KIAA0586: variants seen among roughly 807,000 people sequenced by gnomAD.
KIAA0586 encodes the protein KIAA0586.
In KIAA0586, 144 loss-of-function variants were observed where a neutral mutation model predicts 169.8. The observed-to-expected ratio is 0.85, with a 90% CI of 0.74 to 0.97. KIAA0586 has a LOEUF of 0.97. Among genes scored for constraint, KIAA0586 ranks in the 50% least tolerant of loss-of-function variants. KIAA0586 has a pLI of 0.00. For missense variants in KIAA0586, 1,854 were observed against 1,823.0 expected (o/e 1.02, Z -0.31); for synonymous variants, 625 against 612.4 (o/e 1.02, Z -0.30).
At chr14:58,558,170 CA>C in the KIAA0586 span, among the ~76,000 whole-genome samples, 1 of 152,016 alleles carries the variant, frequency 6.6e-6, no homozygotes, top group Non-Finnish European at 1.5e-5. Flanking sequence ...CTTGGCCTCC[CA>C]AAGTGCTGAG....
At chr14:58,483,730 A>G (rs1189215904) in intron 21 of KIAA0586, among the ~76,000 whole-genome samples, 1 of 152,214 alleles carries the variant, frequency 6.6e-6, no homozygotes, top group African/African-American at 2.4e-5. Context: ...TTATAGCAAT[A>G]TGAAATTATA....
intron 4 of KIAA0586, among the ~76,000 whole-genome samples, chr14:58,435,015 C>A (rs2037700370): frequency 6.6e-6 from 1 of 152,152 alleles, no homozygotes; most frequent in African/African-American, 2.4e-5. Context: ...TCTCAAACTC[C>A]TGGGCACAAG....
chr14:58,456,449 C>A (rs2039856459), intron 9 of KIAA0586, among the ~76,000 whole-genome samples: 1 of 152,148 alleles, frequency 6.6e-6, no homozygotes, highest in Non-Finnish European at 1.5e-5. Flanking sequence ...GAAAGCATAA[C>A]CTTTTCCTGC....
At chr14:58,546,709 C>T (rs1319698379) in intron 30 of KIAA0586, among the ~76,000 whole-genome samples, 1 of 152,114 alleles carries the variant, frequency 6.6e-6, no homozygotes, top group Non-Finnish European at 1.5e-5. Flanking sequence ...CATACACTTA[C>T]GTAGTCAACT....
At position 58,477,203 on chromosome 14, in the gene KIAA0586, C is replaced by G; in HGVS notation, c.2906C>G (p.Ser969Ter). ...CAGATTGCACCTAGTATCAGTGTTT[C>G]AGTCAGTGAGACAAGTGAACCACTG... ...QQQIAPSISV[S>*]VSETSEPLTS... Residue 969 changes from serine (S) to a stop codon, truncating the protein, a stop_gained, in exon 20 of 31, where the codon TCA (serine) becomes TGA (stop). Coordinates refer to ENST00000652326, the MANE Select transcript of KIAA0586 (RefSeq NM_001329943.3). LOFTEE classifies it high-confidence loss of function. 1.3e-6 allele frequency: 2 copies of G among 1,577,160 alleles called. No individual in the cohort carries two copies. The highest frequency in any genetic ancestry group is 1.7e-6 in the Non-Finnish European group (2 of 1,158,316).
At chr14:58,435,233 A>G (rs117426563) in intron 4 of KIAA0586, among the ~76,000 whole-genome samples, 5,230 of 152,352 alleles carry the variant, frequency 0.034, 155 homozygotes, top group Non-Finnish European at 0.052. Flanking sequence ...ACAATAATTC[A>G]TGATCTATTA....
intron 20 of KIAA0586, among the ~76,000 whole-genome samples, chr14:58,477,577 C>T (rs186024671): frequency 5.9e-5 from 9 of 152,242 alleles, no homozygotes; most frequent in Admixed American, 2.6e-4. Context: ...ATAAATTACT[C>T]AGGATTTAAG....
rs750692786 is a variant in KIAA0586, at chr14:58,482,511, A to G, written c.2945-2A>G. 2 of 1,458,148 alleles carry G rather than the reference A, an allele frequency of 1.4e-6. No homozygotes were observed. Among genetic ancestry groups the G allele is most frequent in the South Asian group, 1.5e-5 (1 of 67,592 alleles). The allele number at this position is 1,458,148 out of a possible 1,614,324, so 90.3% of individuals were successfully genotyped here. ...ATTCTGATTTTTTTTTTTTACTTTT[A>G]GTGGAAGGAACAAGCAGTGGCGCCC... On this transcript the variant is annotated splice_acceptor_variant, in intron 20 of 30. Coordinates refer to ENST00000652326, the MANE Select transcript of KIAA0586 (RefSeq NM_001329943.3). LOFTEE classifies it high-confidence loss of function.
intron 27 of KIAA0586, among the ~76,000 whole-genome samples, chr14:58,503,822 A>G (rs1299243432): frequency 2.6e-5 from 4 of 152,112 alleles, no homozygotes; most frequent in African/African-American, 7.2e-5. Context: ...AAAAAAAAAA[A>G]AAAGCAAGGG....
intron 18 of KIAA0586, among the ~76,000 whole-genome samples, chr14:58,474,348 G>T (rs1163525112): frequency 2.0e-5 from 3 of 152,110 alleles, no homozygotes; most frequent in African/African-American, 7.2e-5. Flanking sequence ...GAATAATTAT[G>T]TTTTCTAGTT....
chr14:58,511,971 A>G (rs570492706), intron 28 of KIAA0586, among the ~76,000 whole-genome samples: 31 of 152,302 alleles, frequency 2.0e-4, no homozygotes, highest in Non-Finnish European at 3.1e-4. Flanking sequence ...GTAAATTTCA[A>G]ATTTGGTTAT....
At chr14:58,440,648 G>C (rs1456731660) in intron 4 of KIAA0586, among the ~76,000 whole-genome samples, 1 of 152,140 alleles carries the variant, frequency 6.6e-6, no homozygotes, top group Non-Finnish European at 1.5e-5. Flanking sequence ...AGTGATATTT[G>C]TTAAGTAAAT....
rs373535257 is a variant in KIAA0586 at position 58,522,966 on chromosome 14, T to A, written c.4429+10339T>A. 3.9e-5 allele frequency among the ~76,000 whole-genome samples: 6 copies of A among 152,300 alleles called. No homozygotes were observed. The East Asian group carries it at 1.2e-3, about 29-fold the overall frequency. On this transcript the variant is annotated intron_variant, in intron 29 of 30. Coordinates refer to ENST00000652326, the MANE Select transcript of KIAA0586 (RefSeq NM_001329943.3). The stretch of plus-strand genomic sequence containing the variant: ...ATGGATTTTTAAACATAGGTGATTA[T>A]TTTAACTGTTCCAATGTGAAAGGAT...
chr14:58,428,220 A>AG lies in KIAA0586; in HGVS notation c.-44dup. On this transcript the variant is annotated 5_prime_UTR_variant, in exon 1 of 31. Transcript: ENST00000652326. Reference sequence around the variant, plus strand: ...TCTGAAGTCTTAAGGAAACAGAGAAAGTTTTTCCGTCCTTAAGTGTGGGAC... The same window carrying AG: ...TCTGAAGTCTTAAGGAAACAGAGAAAGGTTTTTCCGTCCTTAAGTGTGGGAC... 6.3e-7 allele frequency: 1 copy of AG among 1,581,460 alleles called. No individual in the cohort carries two copies. The highest frequency in any genetic ancestry group is 8.6e-7 in the Non-Finnish European group (1 of 1,165,610).
chr14:58,542,413 G>C (rs928909655), intron 30 of KIAA0586, among the ~76,000 whole-genome samples: 1 of 151,626 alleles, frequency 6.6e-6, no homozygotes, highest in East Asian at 1.9e-4. Flanking sequence ...GGAGGTGGAG[G>C]TTGCAGTGAG....
intron 10 of KIAA0586, among the ~76,000 whole-genome samples, 168 bp from the exon 11 acceptor site, chr14:58,457,591 G>A (rs2039976835): frequency 6.6e-6 from 1 of 152,170 alleles, no homozygotes; most frequent in African/African-American, 2.4e-5. Flanking sequence ...CTAAATGGAG[G>A]AAAAACACTT....
At chr14:58,508,110 G>C (rs1217013756) in intron 27 of KIAA0586, among the ~76,000 whole-genome samples, 1 of 152,126 alleles carries the variant, frequency 6.6e-6, no homozygotes, top group Non-Finnish European at 1.5e-5. Flanking sequence ...AAGAAAATAA[G>C]AGCTTGATCA....
At chr14:58,488,248 A>C (rs1736357863) in intron 23 of KIAA0586, 139 bp downstream of exon 23, 1 of 742,922 alleles carries the variant, frequency 1.3e-6, no homozygotes, top group Non-Finnish European at 2.1e-6. Flanking sequence ...GAACTTTCAT[A>C]AGTGTTGAGT....
chr14:58,444,436 T>G (rs755933854), intron 6 of KIAA0586, among the ~76,000 whole-genome samples: 1 of 152,152 alleles, frequency 6.6e-6, no homozygotes, highest in Non-Finnish European at 1.5e-5. Context: ...TTATTATTTA[T>G]TTTTTGAGAT....
Sources: gnomAD v4.1 joint callset for allele counts (sites outside exome capture counted in the v4.1 genomes callset) on GRCh38, gnomAD v4.1.1 for gene constraint, MANE v1.5 for transcripts, NCBI Gene and HGNC (gene_info 2026-07-23, HGNC 2026-07-21) for gene names.